ALCAM: variants seen among roughly 807,000 people sequenced by gnomAD.
ALCAM encodes activated leukocyte cell adhesion molecule.
In ALCAM, 30 loss-of-function variants were observed where a neutral mutation model predicts 70.9. The ratio of observed to expected loss-of-function variants is 0.42; its 90% CI spans 0.32 to 0.57. The LOEUF (loss-of-function observed/expected upper bound fraction) is 0.57. Ranked by LOEUF, ALCAM falls within the 20% of genes least tolerant of loss-of-function variation. The pLI is 0.11. For synonymous variants in ALCAM, 249 were observed against 242.5 expected (o/e 1.03, Z -0.25); for missense variants, 591 against 695.1 (o/e 0.85, Z 1.68).
chr3:105,412,433 G>A (rs1936413439), intron 1 of ALCAM, among the ~76,000 whole-genome samples: 1 of 152,074 alleles, frequency 6.6e-6, no homozygotes, highest in Non-Finnish European at 1.5e-5. Flanking sequence ...TCCTCTCACT[G>A]TAACACTGTT....
At chr3:105,492,322 G>A (rs1266145756) in intron 1 of ALCAM, among the ~76,000 whole-genome samples, 1 of 152,126 alleles carries the variant, frequency 6.6e-6, no homozygotes, top group Non-Finnish European at 1.5e-5. Flanking sequence ...ATGAGAACTG[G>A]TTGGGGATAC....
chr3:105,450,395 T>C (rs149889557), intron 1 of ALCAM, among the ~76,000 whole-genome samples: 13 of 152,290 alleles, frequency 8.5e-5, no homozygotes, highest in African/African-American at 3.1e-4. Flanking sequence ...CTTTACCTTC[T>C]CAATGTCCTA....
At chr3:105,458,631 A>C (rs187729670) in intron 1 of ALCAM, among the ~76,000 whole-genome samples, 188 of 152,338 alleles carry the variant, frequency 1.2e-3, no homozygotes, top group African/African-American at 4.2e-3. Context: ...AAAATTATCT[A>C]AGTAAAAATA....
intron 10 of ALCAM, 32 bp downstream of exon 10, chr3:105,547,316 G>A (rs1327170192): frequency 1.9e-6 from 3 of 1,577,892 alleles, no homozygotes; most frequent in Non-Finnish European, 2.6e-6. Flanking sequence ...AATTCAAATT[G>A]TTCTTTGAGA....
Position 105,576,629 on chromosome 3 carries a change from GACA to G in ALCAM, c.*2182_*2184del, listed in dbSNP as rs1329033449. The G allele has an allele frequency of 6.6e-6, 1 of 152,338 alleles. No homozygotes were observed. Among genetic ancestry groups the G allele is most frequent in the African/African-American group, 2.4e-5 (1 of 41,446 alleles). The allele number at this position is 152,338 out of a possible 1,614,324, so 9.4% of individuals were successfully genotyped here. A position where few individuals can be genotyped will look rare whatever the true frequency, so the allele number is the denominator to read the frequency against. On this transcript the variant is annotated 3_prime_UTR_variant, in exon 16 of 16. Transcript: ENST00000306107. ...CAGAAAGTTTGCCGGGAAAAAAAAA[GACA>G]ACATTATTACCATCGATTCAGTGCC...
intron 1 of ALCAM, among the ~76,000 whole-genome samples, chr3:105,372,099 A>C: frequency 6.6e-6 from 1 of 152,114 alleles, no homozygotes; most frequent in East Asian, 1.9e-4. Context: ...GAAATGGAAA[A>C]AAATCCATTT....
At chr3:105,428,455 A>G (rs962524438) in intron 1 of ALCAM, among the ~76,000 whole-genome samples, 5 of 151,822 alleles carry the variant, frequency 3.3e-5, no homozygotes, top group Admixed American at 3.3e-4. Context: ...GAGATTGAGT[A>G]CTCCGTATTT....
Position 105,533,650 on chromosome 3 carries a change from A to G in ALCAM, c.507A>G (p.Thr169=), listed in dbSNP as rs1164607733. ...ACAGTTATCCAGATGGCAATATCAC[A>G]TGGTACAGGAATGGAAAAGTGCTAC... The part of the protein sequence containing the change: ...SEDSYPDGNI[T]WYRNGKVLHP... The change falls in exon 5 of 16, where the codon ACA becomes ACG. Residue 169 remains threonine (T), a synonymous_variant. Coordinates refer to ENST00000306107, the MANE Select transcript of ALCAM (RefSeq NM_001627.4). 7 of 1,611,904 alleles carry G rather than the reference A, an allele frequency of 4.3e-6. No individual in the cohort carries two copies. In the African/African-American group the frequency reaches 5.3e-5, roughly 12 times the overall value.
At chr3:105,379,804 A>G (rs535348857) in intron 1 of ALCAM, among the ~76,000 whole-genome samples, 9 of 151,918 alleles carry the variant, frequency 5.9e-5, no homozygotes, top group African/African-American at 2.2e-4. Context: ...AATATTAAGG[A>G]TATTTTGGAA....
chr3:105,383,304 CT>C (rs1935573200), intron 1 of ALCAM, among the ~76,000 whole-genome samples: 2 of 151,640 alleles, frequency 1.3e-5, no homozygotes, highest in South Asian at 4.1e-4. Flanking sequence ...TCTACTTAAT[CT>C]TTTTTCTACC....
chr3:105,400,530 A>G (rs1325823796), intron 1 of ALCAM, among the ~76,000 whole-genome samples: 1 of 152,202 alleles, frequency 6.6e-6, no homozygotes, highest in Non-Finnish European at 1.5e-5. Flanking sequence ...ATTTTAGAAT[A>G]CTATAAATTT....
intron 1 of ALCAM, among the ~76,000 whole-genome samples, chr3:105,409,634 ACT>A (rs1467004538): frequency 1.3e-5 from 2 of 151,970 alleles, no homozygotes; most frequent in Non-Finnish European, 2.9e-5. Context: ...GGCACAGCAA[ACT>A]CTCAGAAATC....
At chr3:105,432,724 C>T (rs1246905860) in intron 1 of ALCAM, among the ~76,000 whole-genome samples, 1 of 152,064 alleles carries the variant, frequency 6.6e-6, no homozygotes, top group African/African-American at 2.4e-5. Context: ...AAGATGTACA[C>T]TTTTACATTT....
chr3:105,505,620 C>A (rs945431320), intron 1 of ALCAM, among the ~76,000 whole-genome samples: 1 of 151,928 alleles, frequency 6.6e-6, no homozygotes, highest in South Asian at 2.1e-4. Flanking sequence ...TGAATTAATA[C>A]GAATCAGAGC....
intron 1 of ALCAM, among the ~76,000 whole-genome samples, chr3:105,495,780 C>T (rs1256184209): frequency 6.6e-6 from 1 of 152,140 alleles, no homozygotes; most frequent in Non-Finnish European, 1.5e-5. Flanking sequence ...GATGGTTCTA[C>T]CTAAAAAGTA....
At position 105,407,265 on chromosome 3, in the gene ALCAM, AC is replaced by A. The variant is rs1209359259; in HGVS notation, c.73+39785del. Among the ~76,000 whole-genome samples, 7 of 80,296 alleles carry A rather than the reference AC, an allele frequency of 8.7e-5. 1 individual carries two copies. In the East Asian group the frequency reaches 7.9e-3, roughly 90 times the overall value. 52.7% of individuals were successfully genotyped at this position (80,296 alleles called of 152,430 possible). ...GGACATAACAACAACAGCAACAACA[AC>A]AAAAAAAAAACAACAGATCAGTATC... is the stretch of plus-strand genomic sequence containing the variant. On this transcript the variant is annotated intron_variant, in intron 1 of 15. Coordinates refer to ENST00000306107, the MANE Select transcript of ALCAM (RefSeq NM_001627.4).
At position 105,426,277 on chromosome 3, in the gene ALCAM, A is replaced by G. The variant is rs1276376150; in HGVS notation, c.73+58796A>G. Among the ~76,000 whole-genome samples, 4 of 151,994 alleles carry G rather than the reference A, an allele frequency of 2.6e-5. No homozygotes were observed. In the South Asian group the frequency reaches 6.2e-4, roughly 24 times the overall value. On this transcript the variant is annotated intron_variant, in intron 1 of 15. Transcript: ENST00000306107. ...TCAAAAGAATCACATTTCTATATTA[A>G]TTGTATTTTTAAGGTTGTTGGTACC...
intron 1 of ALCAM, among the ~76,000 whole-genome samples, chr3:105,445,846 G>T (rs1397659224): frequency 6.6e-6 from 1 of 152,124 alleles, no homozygotes; most frequent in Non-Finnish European, 1.5e-5. Flanking sequence ...ATTAAAGGCT[G>T]AAATGTAAGA....
intron 1 of ALCAM, among the ~76,000 whole-genome samples, chr3:105,374,171 G>GT (rs1935315583): frequency 6.6e-6 from 1 of 152,198 alleles, no homozygotes; most frequent in South Asian, 2.1e-4. Flanking sequence ...TATGGTGAAA[G>GT]TAAGTGGCCC....
Sources: gnomAD v4.1 joint callset for allele counts (sites outside exome capture counted in the v4.1 genomes callset) on GRCh38, gnomAD v4.1.1 for gene constraint, MANE v1.5 for transcripts, NCBI Gene and HGNC (gene_info 2026-07-23, HGNC 2026-07-21) for gene names.